Variants in ADAMTSL1 observed in about 807,000 individuals in gnomAD.
The protein encoded by ADAMTSL1 is ADAMTS-like protein 1.
Under a neutral mutation model 201.8 loss-of-function variants are expected in ADAMTSL1, and 126 were observed. That is an observed-to-expected ratio of 0.62 (90% CI 0.54 to 0.72). The LOEUF is 0.72. ADAMTSL1 is among the 30% of genes least tolerant of loss of function. ADAMTSL1 has a pLI of 0.00. For synonymous variants in ADAMTSL1, 1,121 were observed against 903.4 expected, an observed-to-expected ratio of 1.24 and a Z score of -4.32; for missense variants, 2,679 against 2,277.8, an observed-to-expected ratio of 1.18 and a Z score of -3.59.
At chr9:18,368,596 G>C (rs1287617774) in intron 2 of ADAMTSL1, among the ~76,000 whole-genome samples, 1 of 152,180 alleles carries the variant, frequency 6.6e-6, no homozygotes, top group East Asian at 1.9e-4. Flanking sequence ...TTGGAGTGTA[G>C]AATAGTCTGC....
At chr9:18,712,153 C>A (rs1832655957) in intron 14 of ADAMTSL1, among the ~76,000 whole-genome samples, 1 of 152,116 alleles carries the variant, frequency 6.6e-6, no homozygotes, top group Non-Finnish European at 1.5e-5. Flanking sequence ...GGGAAAAAAA[C>A]AGAACAGAAA....
intron 1 of ADAMTSL1, among the ~76,000 whole-genome samples, chr9:17,995,265 C>G (rs770483850): frequency 6.6e-6 from 1 of 152,154 alleles, no homozygotes; most frequent in Non-Finnish European, 1.5e-5. Flanking sequence ...TGTGACCTCA[C>G]TGTTCCCTGT....
chr9:18,041,622 C>G (rs533129950), intron 1 of ADAMTSL1, among the ~76,000 whole-genome samples: 244 of 152,212 alleles, frequency 1.6e-3, no homozygotes, highest in African/African-American at 5.7e-3. Context: ...ATTAAGAACT[C>G]TATGGAGCAA....
At chr9:18,565,640 G>A (rs975478866) in intron 3 of ADAMTSL1, among the ~76,000 whole-genome samples, 1 of 150,422 alleles carries the variant, frequency 6.6e-6, no homozygotes, top group Admixed American at 6.6e-5. Context: ...GCCTTTACCT[G>A]CTATGGCACC....
intron 1 of ADAMTSL1, among the ~76,000 whole-genome samples, chr9:18,504,335 C>A (rs1212669052): frequency 1.3e-5 from 2 of 152,114 alleles, no homozygotes; most frequent in Non-Finnish European, 2.9e-5. Flanking sequence ...GTTATTCCAA[C>A]GAGCACATCT....
chr9:18,167,972 T>A (rs771905878), intron 2 of ADAMTSL1, among the ~76,000 whole-genome samples: 4 of 151,970 alleles, frequency 2.6e-5, no homozygotes, highest in Non-Finnish European at 4.4e-5. Context: ...TAGGAACAAA[T>A]GTGATCTAAT....
chr9:18,515,837 CTA>C (rs1818335247), intron 2 of ADAMTSL1, among the ~76,000 whole-genome samples: 1 of 152,078 alleles, frequency 6.6e-6, no homozygotes, highest in Non-Finnish European at 1.5e-5. Context: ...ATTAAATGAA[CTA>C]AGTGATTTCT....
chr9:18,286,024 C>G (rs1179992740), intron 2 of ADAMTSL1, among the ~76,000 whole-genome samples: 1 of 151,552 alleles, frequency 6.6e-6, no homozygotes, highest in Non-Finnish European at 1.5e-5. Context: ...CTCTATGCAA[C>G]TGGTTACTTT....
At chr9:18,219,806 T>C (rs1217668603) in intron 2 of ADAMTSL1, among the ~76,000 whole-genome samples, 3 of 152,192 alleles carry the variant, frequency 2.0e-5, no homozygotes, top group African/African-American at 7.2e-5. Context: ...TTAAATATTT[T>C]AATTGTTTGC....
chr9:17,959,747 C>A (rs1817658601), intron 1 of ADAMTSL1, among the ~76,000 whole-genome samples: 1 of 152,208 alleles, frequency 6.6e-6, no homozygotes, highest in East Asian at 1.9e-4. Flanking sequence ...CAAGCCACTG[C>A]ACTCAGCCTT....
At chr9:18,225,516 T>A (rs1006437415) in intron 2 of ADAMTSL1, among the ~76,000 whole-genome samples, 4 of 152,174 alleles carry the variant, frequency 2.6e-5, no homozygotes, top group Non-Finnish European at 5.9e-5. Flanking sequence ...GTTAAAATCC[T>A]TCTACTAGGC....
intron 2 of ADAMTSL1, among the ~76,000 whole-genome samples, chr9:18,217,963 T>C (rs10810930): frequency 0.52 from 79,338 of 151,792 alleles, 21,039 homozygotes; most frequent in East Asian, 0.7. Context: ...GAATTTGAAG[T>C]TCTTTTTAGC....
chr9:18,358,191 C>T (rs1298866420), intron 2 of ADAMTSL1, among the ~76,000 whole-genome samples: 4 of 152,114 alleles, frequency 2.6e-5, no homozygotes, highest in Admixed American at 2.6e-4. Flanking sequence ...ATATTAGGTA[C>T]ATAACAGTGC....
At chr9:18,088,458 C>T (rs967347912) in intron 1 of ADAMTSL1, among the ~76,000 whole-genome samples, 6 of 152,056 alleles carry the variant, frequency 3.9e-5, no homozygotes, top group Non-Finnish European at 8.8e-5. Flanking sequence ...GGAGAAAATG[C>T]AACTTAAGGA....
At chr9:18,243,671 A>G (rs1371131016) in intron 2 of ADAMTSL1, among the ~76,000 whole-genome samples, 1 of 152,052 alleles carries the variant, frequency 6.6e-6, no homozygotes, top group Non-Finnish European at 1.5e-5. Context: ...TTCTCTAAGC[A>G]TAAACTCACA....
intron 2 of ADAMTSL1, among the ~76,000 whole-genome samples, chr9:18,417,256 T>C (rs546790113): frequency 7.2e-4 from 109 of 151,706 alleles, no homozygotes; most frequent in African/African-American, 2.6e-3. Context: ...GGGGAATTTA[T>C]GGCACTAAAT....
intron 2 of ADAMTSL1, among the ~76,000 whole-genome samples, chr9:18,510,651 C>G (rs1817970785): frequency 6.6e-6 from 1 of 151,750 alleles, no homozygotes; most frequent in Non-Finnish European, 1.5e-5. Flanking sequence ...TGTCTCTCAC[C>G]TTTACTAATT....
chr9:18,904,673 G>A (rs1220656210), intron 26 of ADAMTSL1, among the ~76,000 whole-genome samples: 1 of 79,106 alleles, frequency 1.3e-5, no homozygotes, highest in Non-Finnish European at 2.5e-5. Flanking sequence ...AAAAAAAAAA[G>A]GTCCGTTTAT....
chr9:18,260,033 G>GA (rs1831854346), intron 2 of ADAMTSL1, among the ~76,000 whole-genome samples: 1 of 152,156 alleles, frequency 6.6e-6, no homozygotes, highest in African/African-American at 2.4e-5. Context: ...TTAACATTGA[G>GA]AAAACTGAGG....
Sources: allele counts gnomAD v4.1 joint callset (sites outside exome capture counted in the v4.1 genomes callset), GRCh38; gene constraint gnomAD v4.1.1; transcripts MANE v1.5; gene names NCBI Gene and HGNC (gene_info 2026-07-23, HGNC 2026-07-21).